GPHN: variants seen among roughly 807,000 people sequenced by gnomAD.
GPHN encodes the protein gephyrin.
GPHN carries 17 observed loss-of-function variants against 95.5 expected under a neutral mutation model. That is an observed-to-expected ratio of 0.18 (90% CI 0.12 to 0.27). GPHN has a LOEUF of 0.27. GPHN is among the 10% of genes least tolerant of loss of function. The pLI, the probability that GPHN is intolerant of heterozygous loss-of-function variation, is 1.00. For missense variants in GPHN, 660 were observed against 978.1 expected, an observed-to-expected ratio of 0.67 and a Z score of 4.34; for synonymous variants, 320 against 322.5, an observed-to-expected ratio of 0.99 and a Z score of 0.08.
intron 11 of GPHN, among the ~76,000 whole-genome samples, chr14:67,074,184 T>A (rs2076411254): frequency 7.6e-6 from 1 of 131,888 alleles, no homozygotes; most frequent in African/African-American, 3.9e-5. Context: ...TTGCAGATAT[T>A]CCTTTTTTTT....
chr14:66,823,331 G>A (rs1183399782), intron 3 of GPHN: 1 of 152,138 alleles, frequency 6.6e-6, no homozygotes, highest in African/African-American at 2.4e-5. Flanking sequence ...AGAATAGAGA[G>A]CTATTTATAA....
intron 9 of GPHN, among the ~76,000 whole-genome samples, chr14:67,011,042 C>T (rs967938608): frequency 1.3e-5 from 2 of 151,928 alleles, no homozygotes; most frequent in Admixed American, 1.3e-4. Flanking sequence ...TGTAAATGTC[C>T]TTGGGAAAAT....
intron 11 of GPHN, among the ~76,000 whole-genome samples, chr14:67,069,489 A>G (rs542830215): frequency 6.6e-6 from 1 of 152,218 alleles, no homozygotes; most frequent in East Asian, 1.9e-4. Flanking sequence ...ACATGTGCCT[A>G]TGTGCCGTGG....
At chr14:67,662,069 T>C in the GPHN span, among the ~76,000 whole-genome samples, 6 of 151,534 alleles carry the variant, frequency 4.0e-5, no homozygotes, top group African/African-American at 1.5e-4. Context: ...GGCAGGAGAA[T>C]GGTGTGAACC....
chr14:66,988,525 T>C (rs1257590372), intron 9 of GPHN, among the ~76,000 whole-genome samples: 12 of 152,052 alleles, frequency 7.9e-5, no homozygotes, highest in Non-Finnish European at 4.4e-5. Context: ...TAGACTTAAC[T>C]CAGACTCTTT....
At chr14:67,510,038 A>AG in the GPHN span, among the ~76,000 whole-genome samples, 1 of 152,162 alleles carries the variant, frequency 6.6e-6, no homozygotes, top group Non-Finnish European at 1.5e-5. Context: ...AAAAAAAAAA[A>AG]GAATCAGATA....
the GPHN span, among the ~76,000 whole-genome samples, chr14:67,713,769 T>C: frequency 6.6e-6 from 1 of 152,122 alleles, no homozygotes; most frequent in South Asian, 2.1e-4. Context: ...AGTTTGGTTT[T>C]ATACATTCTA....
chr14:66,778,874 T>G (rs1014225992), intron 3 of GPHN, among the ~76,000 whole-genome samples: 4 of 151,654 alleles, frequency 2.6e-5, no homozygotes, highest in South Asian at 2.1e-4. Flanking sequence ...TAGCTTGGAT[T>G]ATAGGCACAT....
At chr14:66,738,531 CGT>C (rs2072495855) in intron 2 of GPHN, among the ~76,000 whole-genome samples, 1 of 151,870 alleles carries the variant, frequency 6.6e-6, no homozygotes, top group Middle Eastern at 3.2e-3. Flanking sequence ...TTTTTTATGG[CGT>C]GTGTCTTGCT....
chr14:67,568,400 A>C, the GPHN span, among the ~76,000 whole-genome samples: 1 of 152,174 alleles, frequency 6.6e-6, no homozygotes, highest in South Asian at 2.1e-4. Context: ...GACAATGAGA[A>C]CACATGGACA....
At chr14:67,504,700 C>T in the GPHN span, among the ~76,000 whole-genome samples, 1 of 152,194 alleles carries the variant, frequency 6.6e-6, no homozygotes, top group African/African-American at 2.4e-5. Context: ...GCCTGGCCAA[C>T]TTGGTGAAAC....
At chr14:67,629,509 A>T in the GPHN span, among the ~76,000 whole-genome samples, 1 of 152,210 alleles carries the variant, frequency 6.6e-6, no homozygotes, top group East Asian at 1.9e-4. Flanking sequence ...GTGGAATATC[A>T]GTTACTAGGA....
intron 1 of GPHN, among the ~76,000 whole-genome samples, chr14:66,675,058 G>A (rs536779483): frequency 2.4e-4 from 37 of 151,896 alleles, no homozygotes; most frequent in Middle Eastern, 3.4e-3. Context: ...ATGTTTCCCT[G>A]ATGACTAGGG....
the GPHN span, among the ~76,000 whole-genome samples, chr14:67,255,512 T>A: frequency 1.3e-5 from 2 of 152,216 alleles, no homozygotes; most frequent in Non-Finnish European, 2.9e-5. Context: ...GTTGAGGAAT[T>A]CCTAAATACT....
At chr14:67,559,654 C>G in the GPHN span, 12 of 1,606,762 alleles carry the variant, frequency 7.5e-6, no homozygotes, top group Non-Finnish European at 1.0e-5. Context: ...GAAAAAGCTG[C>G]AAAGATCAAG....
chr14:67,328,988 A>G, the GPHN span, among the ~76,000 whole-genome samples: 1 of 152,062 alleles, frequency 6.6e-6, no homozygotes, highest in South Asian at 2.1e-4. Context: ...TATGAACTTT[A>G]AAGTAGTTTT....
At chr14:66,645,723 GTTAT>G in intron 1 of GPHN, among the ~76,000 whole-genome samples, 1 of 149,518 alleles carries the variant, frequency 6.7e-6, no homozygotes, top group East Asian at 1.9e-4. Flanking sequence ...TTTTTTTAAA[GTTAT>G]TTAAACTGAT....
At chr14:66,743,182 G>A (rs1178346204) in intron 2 of GPHN, among the ~76,000 whole-genome samples, 1 of 127,846 alleles carries the variant, frequency 7.8e-6, no homozygotes, top group African/African-American at 4.1e-5. Flanking sequence ...TGTGTAGAGA[G>A]TTCTTTTTTT....
At chr14:66,882,798 T>C (rs776365161) in intron 5 of GPHN, among the ~76,000 whole-genome samples, 7 of 151,506 alleles carry the variant, frequency 4.6e-5, no homozygotes, top group Non-Finnish European at 7.4e-5. Flanking sequence ...ATATTACTCC[T>C]GAAGGATATT....
Sources: gnomAD v4.1 joint callset for allele counts (sites outside exome capture counted in the v4.1 genomes callset) on GRCh38, gnomAD v4.1.1 for gene constraint, MANE v1.5 for transcripts, NCBI Gene and HGNC (gene_info 2026-07-23, HGNC 2026-07-21) for gene names.